GGCX: variants seen among roughly 807,000 people sequenced by gnomAD.
GGCX encodes the protein gamma-glutamyl carboxylase, also known as vitamin K-dependent gamma-carboxylase.
Under a neutral mutation model 88.5 loss-of-function variants are expected in GGCX, and 63 were observed. That is an observed-to-expected ratio of 0.71 (90% confidence interval 0.58 to 0.88). The LOEUF (loss-of-function observed/expected upper bound fraction) is 0.88, where lower values mean the gene tolerates loss of function less well. GGCX is among the 40% of genes least tolerant of loss of function. The pLI, the probability that GGCX is intolerant of heterozygous loss-of-function variation, is 0.00. For missense variants in GGCX, 805 were observed against 932.9 expected (o/e 0.86, Z 1.79); for synonymous variants, 368 against 365.8 (o/e 1.01, Z -0.07).
At position 85,553,294 on chromosome 2, in the gene GGCX, C is replaced by G; in HGVS notation, c.1093G>C (p.Ala365Pro). The change falls in exon 8 of 15, where the codon GCC (alanine) becomes CCC (proline). Residue 365 changes from alanine (A) to proline (P), a missense_variant. Coordinates refer to ENST00000233838, the MANE Select transcript of GGCX (RefSeq NM_000821.7). ...TCCAGGAGGTAGAGCAGGGTGAAGG[C>G]AGCTCCCAGCTGATGGCGCAGCCCT... Reference protein sequence around the residue: ...KPGLRHQLGAAFTLLYLLEQL... With the variant: ...KPGLRHQLGAPFTLLYLLEQL... The G allele has an allele frequency of 6.2e-7, 1 of 1,614,236 alleles. No individual in the cohort carries two copies. The highest frequency in any genetic ancestry group is 8.5e-7 in the Non-Finnish European group (1 of 1,180,016).
rs774014206 is a variant in GGCX at position 85,558,429 on chromosome 2, CT to C, written c.539+10del. 115 of 1,612,138 alleles carry C rather than the reference CT, an allele frequency of 7.1e-5. No individual in the cohort carries two copies. The highest frequency in any genetic ancestry group is 3.2e-4 in the Admixed American group (19 of 60,016). ...AGCCAACCCCTCCCCTTTGTCCCCC[CT>C]GACTCATACCAGTAGTGGTTTGCAT... On this transcript the variant is annotated intron_variant, in intron 4 of 14. Transcript: ENST00000233838.
Position 85,560,870 on chromosome 2 carries a change from G to A in GGCX, c.159C>T (p.Thr53=). The A allele has an allele frequency of 6.2e-7, 1 of 1,614,076 alleles. No individual in the cohort carries two copies. Among genetic ancestry groups the A allele is most frequent in the South Asian group, 1.1e-5 (1 of 91,086 alleles). The change falls in exon 2 of 15, where the codon ACC becomes ACT. Residue 53 remains threonine, a synonymous_variant. Coordinates refer to ENST00000233838, the MANE Select transcript of GGCX (RefSeq NM_000821.7). ...TDLSSWRRLV[T]LLNRPTDPAS... ...CAGGGTCCGTTGGTCGATTCAGCAG[G>A]GTCACCAGCCTCCGCCAACTGGACA...
chr2:85,556,251 G>A lies in GGCX; in HGVS notation c.549C>T (p.Asp183=), dbSNP rs532959958. The A allele has an allele frequency of 1.1e-4, 178 of 1,606,528 alleles. No homozygotes were observed. The Admixed American group carries it at 2.8e-3, about 26-fold the overall frequency. Reference sequence around the variant, plus strand: ...TCCTCCTATGGGCATTCAGCAGACCGTCCACAGACCTACACCGAGGGAGGT... The same window carrying A: ...TCCTCCTATGGGCATTCAGCAGACCATCCACAGACCTACACCGAGGGAGGT... ...FMDANHYWSV[D]GLLNAHRRNA... is the part of the protein sequence containing the mutation. Residue 183 remains aspartate, a synonymous_variant, in exon 5 of 15, where the codon GAC becomes GAT. Transcript: ENST00000233838.
intron 3 of GGCX, 77 bp downstream of exon 3, chr2:85,558,840 A>C (rs1692315268): frequency 7.3e-7 from 1 of 1,366,282 alleles, no homozygotes; most frequent in African/African-American, 1.4e-5. Flanking sequence ...GGTGCCAAAG[A>C]CTTTGACCAT....
rs901330049 is a variant in GGCX, at chr2:85,553,628, C to T, written c.890-131G>A. On this transcript the variant is annotated intron_variant, in intron 7 of 14. Transcript: ENST00000233838. ...GTTCTTCTTTTTTTTTTGAGACAGT[C>T]TTTCTCTGTCGCCCAGGCTGGAGTG... is the stretch of plus-strand genomic sequence containing the variant. 3.4e-6 allele frequency: 3 copies of T among 873,240 alleles called. No homozygotes were observed. In the South Asian group the frequency reaches 4.5e-5, roughly 13 times the overall value. 54.1% of individuals were successfully genotyped at this position (873,240 alleles called of 1,614,324 possible).
chr2:85,552,541 C>T lies in GGCX; in HGVS notation c.1314G>A (p.Lys438=), dbSNP rs1172013462. 6.2e-7 allele frequency: 1 copy of T among 1,613,816 alleles called. No homozygotes were observed. Among genetic ancestry groups the T allele is most frequent in the South Asian group, 1.1e-5 (1 of 91,064 alleles). The change falls in exon 10 of 15, where the codon AAG becomes AAA. Residue 438 remains lysine, a synonymous_variant. Coordinates refer to ENST00000233838, the MANE Select transcript of GGCX (RefSeq NM_000821.7). ...PGVFTQSRRW[K]DHADMLKQYA... is the part of the protein sequence containing the mutation. Reference sequence around the variant, plus strand: ...ATTGCTTCAGCATGTCTGCATGATCCTTCCATCGCCGACTCTGTGTAAATA... The same window carrying T: ...ATTGCTTCAGCATGTCTGCATGATCTTTCCATCGCCGACTCTGTGTAAATA...
intron 5 of GGCX, 57 bp downstream of exon 5, chr2:85,556,125 G>A: frequency 9.8e-7 from 1 of 1,016,716 alleles, no homozygotes; most frequent in East Asian, 2.4e-5. Context: ...CAGTGGGATG[G>A]CCATGCTGAC....
rs1413307599 is a variant in GGCX at position 85,545,548 on chromosome 2, C to T, written c.*4386G>A. On this transcript the variant is annotated 3_prime_UTR_variant, in exon 15 of 15. Coordinates refer to ENST00000233838, the MANE Select transcript of GGCX (RefSeq NM_000821.7). ...AATTAGCCATAATTCAGGAAAATAA[C>T]CTCAATCCCTAGACCCAGTGGGTGG... 1 of 152,186 alleles carries T rather than the reference C, an allele frequency of 6.6e-6. No individual in the cohort carries two copies. Among genetic ancestry groups the T allele is most frequent in the Non-Finnish European group, 1.5e-5 (1 of 68,048 alleles). 9.4% of individuals were successfully genotyped at this position (152,186 alleles called of 1,614,324 possible).
At chr2:85,560,738 T>A (rs1692406029) in intron 2 of GGCX, 77 bp downstream of exon 2, 38 of 1,132,108 alleles carry the variant, frequency 3.4e-5, no homozygotes, top group Non-Finnish European at 5.1e-5. Flanking sequence ...GGGAGCTAAG[T>A]CTACTTGCAA....
Position 85,558,424 on chromosome 2 carries a change from C to CCAA in GGCX, c.539+15_539+16insTTG. On this transcript the variant is annotated intron_variant, in intron 4 of 14. Transcript: ENST00000233838. ...GACCCAGCCAACCCCTCCCCTTTGT[C>CCAA]CCCCCTGACTCATACCAGTAGTGGT... 1 of 1,609,176 alleles carries CCAA rather than the reference C, an allele frequency of 6.2e-7. No individual in the cohort carries two copies. Among genetic ancestry groups the CCAA allele is most frequent in the Non-Finnish European group, 8.5e-7 (1 of 1,175,502 alleles).
chr2:85,548,999 G>A lies in GGCX; in HGVS notation c.*935C>T, dbSNP rs1014090306. On this transcript the variant is annotated 3_prime_UTR_variant, in exon 15 of 15. Coordinates refer to ENST00000233838, the MANE Select transcript of GGCX (RefSeq NM_000821.7). ...GCTAGTGAAACACTGGGTGTATATA[G>A]ATAATAGGAACAAAGAAGGAACCAA... 10 of 152,194 alleles carry A rather than the reference G, an allele frequency of 6.6e-5. No homozygotes were observed. The highest frequency in any genetic ancestry group is 1.5e-4 in the Non-Finnish European group (10 of 68,032). The allele number at this position is 152,194 out of a possible 1,614,324, so 9.4% of individuals were successfully genotyped here. A position where few individuals can be genotyped will look rare whatever the true frequency, so the allele number is the denominator to read the frequency against.
intron 7 of GGCX, among the ~76,000 whole-genome samples, 171 bp downstream of exon 7, chr2:85,553,972 C>G (rs150490713): frequency 3.5e-4 from 53 of 152,206 alleles, no homozygotes; most frequent in African/African-American, 1.0e-3. Flanking sequence ...ACTAACTGAG[C>G]CCAGAAGCCC....
In GGCX at chr2:85,548,800, C is replaced by T. The variant is rs116515332; in HGVS notation, c.*1134G>A. 1 of 152,328 alleles carries T rather than the reference C, an allele frequency of 6.6e-6. No homozygotes were observed. Among genetic ancestry groups the T allele is most frequent in the African/African-American group, 2.4e-5 (1 of 41,572 alleles). The allele number at this position is 152,328 out of a possible 1,614,324, so 9.4% of individuals were successfully genotyped here. On this transcript the variant is annotated 3_prime_UTR_variant, in exon 15 of 15. Coordinates refer to ENST00000233838, the MANE Select transcript of GGCX (RefSeq NM_000821.7). ...TTGTATACCCCAACCTACAAAATGT[C>T]TAAGCATTCCCTAATCCCTTACTAA... is the stretch of plus-strand genomic sequence containing the variant.
chr2:85,550,793 ACTCT>A, intron 13 of GGCX, 43 bp from the exon 14 acceptor site: 1 of 1,593,352 alleles, frequency 6.3e-7, no homozygotes, highest in South Asian at 1.1e-5. Context: ...GAGATGGATC[ACTCT>A]CTCCCCTTAG....
At chr2:85,558,211 G>A (rs912126195) in intron 4 of GGCX, among the ~76,000 whole-genome samples, 1 of 152,162 alleles carries the variant, frequency 6.6e-6, no homozygotes, top group Non-Finnish European at 1.5e-5. Flanking sequence ...AAGGCACCTG[G>A]GGAGATAGGG....
chr2:85,551,408 TA>T, intron 12 of GGCX, 71 bp downstream of exon 12: 1 of 1,510,226 alleles, frequency 6.6e-7, no homozygotes. Flanking sequence ...CTCAGCCTCC[TA>T]AGAAGCTGGG....
chr2:85,545,895 A>C lies in GGCX; in HGVS notation c.*4039T>G, dbSNP rs907097281. On this transcript the variant is annotated 3_prime_UTR_variant, in exon 15 of 15. Coordinates refer to ENST00000233838, the MANE Select transcript of GGCX (RefSeq NM_000821.7). Reference sequence around the variant, plus strand: ...AATATCTTGCAGAGATAAATAATGCAAATTAGCTGAAAATGCTATAAATTT... The same window carrying C: ...AATATCTTGCAGAGATAAATAATGCCAATTAGCTGAAAATGCTATAAATTT... 14 of 152,248 alleles carry C rather than the reference A, an allele frequency of 9.2e-5. No individual in the cohort carries two copies. The highest frequency in any genetic ancestry group is 3.4e-4 in the African/African-American group (14 of 41,460). 9.4% of individuals were successfully genotyped at this position (152,248 alleles called of 1,614,324 possible).
chr2:85,555,350 T>A, intron 6 of GGCX, 134 bp downstream of exon 6: 1 of 665,262 alleles, frequency 1.5e-6, no homozygotes, highest in South Asian at 1.6e-5. Flanking sequence ...TTCTGCTGAA[T>A]AGGGAAATGA....
At chr2:85,556,931 A>G in intron 4 of GGCX, among the ~76,000 whole-genome samples, 1 of 152,226 alleles carries the variant, frequency 6.6e-6, no homozygotes, top group East Asian at 1.9e-4. Flanking sequence ...GACCTTAGGC[A>G]AATTCTTCAC....
Sources: gnomAD v4.1 joint callset for allele counts (sites outside exome capture counted in the v4.1 genomes callset) on GRCh38, gnomAD v4.1.1 for gene constraint, MANE v1.5 for transcripts, NCBI Gene and HGNC (gene_info 2026-07-23, HGNC 2026-07-21) for gene names.